The following DDX11 variants were observed in gnomAD, a reference collection of about 807,000 sequenced individuals.
DDX11 encodes the protein ATP-dependent DNA helicase DDX11.
DDX11 carries 72 observed loss-of-function variants against 125.2 expected under a neutral mutation model. That is an observed-to-expected ratio of 0.58 (90% CI 0.48 to 0.70). The LOEUF is 0.70. DDX11 is among the 30% of genes least tolerant of loss of function. The probability of loss-of-function intolerance (pLI) is 0.00; values close to 1 mark genes in which losing one functional copy is unlikely to be tolerated. For synonymous variants in DDX11, 347 were observed against 452.6 expected (o/e 0.77, Z 2.96); for missense variants, 883 against 1,165.0 (o/e 0.76, Z 3.52).
chr12:31,076,949 T>G (rs540448789), intron 1 of DDX11: 1 of 153,758 alleles, frequency 6.5e-6, no homozygotes, highest in East Asian at 1.9e-4. Context: ...TCTCTTCTTG[T>G]GCAAATCCAT....
In DDX11 at chr12:31,090,077, G is replaced by C; in HGVS notation, c.1072G>C (p.Ala358Pro). 6.5e-7 allele frequency: 1 copy of C among 1,549,632 alleles called. No homozygotes were observed. Among genetic ancestry groups the C allele is most frequent in the Non-Finnish European group, 8.7e-7 (1 of 1,146,672 alleles). The change falls in exon 9 of 27, where the codon GCC (alanine) becomes CCC (proline). Residue 358 changes from alanine (A) to proline (P), a missense_variant. Coordinates refer to ENST00000542838, the MANE Select transcript of DDX11 (RefSeq NM_030653.4). The part of the protein sequence containing the change: ...RACPYYGSRL[A>P]IPAAQLVVLP... ...CTGTCCCTATTACGGGAGCCGCCTT[G>C]CCATCCCTGCAGCCCAGGTGAGGGC... is the stretch of plus-strand genomic sequence containing the variant.
chr12:31,102,701 A>G, intron 23 of DDX11, 174 bp downstream of exon 23: 2 of 713,606 alleles, frequency 2.8e-6, no homozygotes, highest in Non-Finnish European at 5.0e-6. Flanking sequence ...GTCCTGGGAG[A>G]GCAGTTGGAT....
intron 19 of DDX11, 126 bp from the exon 20 acceptor site, chr12:31,100,898 ATGG>A (rs1327631589): frequency 9.0e-7 from 1 of 1,110,186 alleles, no homozygotes; most frequent in African/African-American, 1.5e-5. Context: ...GTGACTGGTG[ATGG>A]TGGGCGGGTG....
rs1164095548 is a variant in DDX11, at chr12:31,101,979, G to A, written c.2199G>A (p.Lys733=). The change falls in exon 21 of 27, where the codon AAG becomes AAA. Residue 733 remains lysine, a synonymous_variant. Transcript: ENST00000542838. ...TGCTGGGCCGTCTGGCTGCCAGGAAGAAGGTGAGTGGCCTGTCGGCAGCCT... is the reference window on the plus strand; with the variant it reads ...TGCTGGGCCGTCTGGCTGCCAGGAAAAAGGTGAGTGGCCTGTCGGCAGCCT... ...GGLLGRLAAR[K]KIFQEPKSAH... The A allele has an allele frequency of 2.2e-5, 36 of 1,611,748 alleles. No individual in the cohort carries two copies. The highest frequency in any genetic ancestry group is 4.0e-5 in the African/African-American group (3 of 74,872).
rs61918661 is a variant in DDX11, at chr12:31,098,287, T to C, written c.1875+290T>C. On this transcript the variant is annotated intron_variant, in intron 18 of 26. Transcript: ENST00000542838. ...TCAAACTCAAGGAAAAAAATCATGA[T>C]TCCACTTTTAAAAGGTTCATTTTGA... is the stretch of plus-strand genomic sequence containing the variant. Among the ~76,000 whole-genome samples, 960 of 152,342 alleles carry C rather than the reference T, an allele frequency of 6.3e-3. 5 individuals are homozygous for C. Among genetic ancestry groups the C allele is most frequent in the Non-Finnish European group, 0.011 (732 of 68,018 alleles).
In DDX11 at chr12:31,104,274, A is replaced by G. The variant is rs1323812645; in HGVS notation, c.*438A>G. On this transcript the variant is annotated 3_prime_UTR_variant, in exon 27 of 27. Coordinates refer to ENST00000542838, the MANE Select transcript of DDX11 (RefSeq NM_030653.4). ...AGGTTATAGCTGCCCTGGACTGCTC[A>G]CTCTCTGGTCTCAATTTAAAATGAT... is the stretch of plus-strand genomic sequence containing the variant. The G allele has an allele frequency of 1.6e-6, 1 of 607,624 alleles. No homozygotes were observed. Among genetic ancestry groups the G allele is most frequent in the Non-Finnish European group, 2.7e-6 (1 of 369,788 alleles). The allele number at this position is 607,624 out of a possible 1,614,324, so 37.6% of individuals were successfully genotyped here. A position where few individuals can be genotyped will look rare whatever the true frequency, so the allele number is the denominator to read the frequency against.
intron 5 of DDX11, among the ~76,000 whole-genome samples, chr12:31,086,533 G>T (rs138158482): frequency 0.019 from 2,950 of 152,126 alleles, 99 homozygotes; most frequent in African/African-American, 0.067. Context: ...GTGAGAGGGG[G>T]TCATAAACAG....
At chr12:31,100,837 G>A (rs1057377889) in intron 19 of DDX11, 130 bp downstream of exon 19, 15 of 1,130,266 alleles carry the variant, frequency 1.3e-5, no homozygotes, top group Middle Eastern at 2.2e-4. Context: ...CTCACCCTTC[G>A]TGCGCTCGCC....
intron 5 of DDX11, 78 bp from the exon 6 acceptor site, chr12:31,087,860 A>C: frequency 6.5e-7 from 1 of 1,532,802 alleles, no homozygotes; most frequent in Non-Finnish European, 8.8e-7. Context: ...GCTCAGCACC[A>C]GCGCTCAGCA....
Position 31,091,754 on chromosome 12 carries a change from G to C in DDX11, c.1125G>C (p.Ala375=). The C allele has an allele frequency of 3.7e-6, 6 of 1,613,662 alleles. No individual in the cohort carries two copies. Among genetic ancestry groups the C allele is most frequent in the Non-Finnish European group, 5.1e-6 (6 of 1,179,816 alleles). Residue 375 remains alanine (A), a synonymous_variant, in exon 10 of 27, where the codon GCG becomes GCC. Transcript: ENST00000542838. ...VVLPYQMLLH[A]ATRQAAGIRL... is the part of the protein sequence containing the mutation. ...TGCCCTATCAGATGCTGCTGCATGC[G>C]GCCACTCGGCAGGCCGCGGGCATCC...
chr12:31,087,824 G>A, intron 5 of DDX11, 114 bp from the exon 6 acceptor site: 1 of 1,495,380 alleles, frequency 6.7e-7, no homozygotes, highest in Non-Finnish European at 9.1e-7. Flanking sequence ...CTACCTTGGT[G>A]GAACCCATTG....
At chr12:31,098,904 C>T (rs1409310550) in intron 18 of DDX11, among the ~76,000 whole-genome samples, 11 of 152,058 alleles carry the variant, frequency 7.2e-5, no homozygotes, top group Non-Finnish European at 1.6e-4. Context: ...CATGGGTGTC[C>T]TTTCCCCACA....
intron 2 of DDX11, among the ~76,000 whole-genome samples, chr12:31,083,398 A>T (rs1013867287): frequency 1.3e-5 from 2 of 151,972 alleles, no homozygotes; most frequent in African/African-American, 2.4e-5. Context: ...AGCTGCACGA[A>T]GGCCGCGCGG....
rs1267546926 is a variant in DDX11 at position 31,104,695 on chromosome 12, C to T, written c.*859C>T. On this transcript the variant is annotated 3_prime_UTR_variant, in exon 27 of 27. Transcript: ENST00000542838. ...GTGGTCAGCTGGGATCTTCTGCCAC[C>T]ATCAGGGACAAACGGGGGCAGGAGG... The T allele has an allele frequency of 1.3e-5, 2 of 153,906 alleles. No individual in the cohort carries two copies. The highest frequency in any genetic ancestry group is 1.3e-4 in the Admixed American group (2 of 15,570). The allele number at this position is 153,906 out of a possible 1,614,324, so 9.5% of individuals were successfully genotyped here. A position where few individuals can be genotyped will look rare whatever the true frequency, so the allele number is the denominator to read the frequency against.
intron 20 of DDX11, chr12:31,101,334 A>G: frequency 1.6e-6 from 1 of 611,936 alleles, no homozygotes; most frequent in Non-Finnish European, 2.9e-6. Context: ...CTCACGCCTT[A>G]GGCTGCGAAA....
At chr12:31,094,920 C>G in intron 14 of DDX11, 98 bp downstream of exon 14, 1 of 1,332,490 alleles carries the variant, frequency 7.5e-7, no homozygotes, top group Non-Finnish European at 1.1e-6. Flanking sequence ...GAAGAAAAAG[C>G]AAAACAGATG....
chr12:31,104,101 C>A lies in DDX11; in HGVS notation c.*265C>A. 6.6e-7 allele frequency: 1 copy of A among 1,506,800 alleles called. No homozygotes were observed. Among genetic ancestry groups the A allele is most frequent in the Non-Finnish European group, 8.9e-7 (1 of 1,126,562 alleles). 93.3% of individuals were successfully genotyped at this position (1,506,800 alleles called of 1,614,324 possible). ...CCCTCCTGGAATAGAATCTTTCTTT[C>A]CATCCTGCATGGCTGAGAGCCAGGC... On this transcript the variant is annotated 3_prime_UTR_variant, in exon 27 of 27. Coordinates refer to ENST00000542838, the MANE Select transcript of DDX11 (RefSeq NM_030653.4).
At position 31,078,867 on chromosome 12, in the gene DDX11, T is replaced by C. The variant is rs544497950; in HGVS notation, c.144+330T>C. ...CACGCCCGGCTAATTTTTTGTAGTT[T>C]TAATAGAGACAGGGTTTCACCGTGT... is the stretch of plus-strand genomic sequence containing the variant. On this transcript the variant is annotated intron_variant, in intron 2 of 26. Coordinates refer to ENST00000542838, the MANE Select transcript of DDX11 (RefSeq NM_030653.4). Among the ~76,000 whole-genome samples, 128 of 152,246 alleles carry C rather than the reference T, an allele frequency of 8.4e-4. 1 individual carries two copies. The highest frequency in any genetic ancestry group is 5.7e-4 in the Non-Finnish European group (39 of 68,038).
intron 8 of DDX11, 107 bp from the exon 9 acceptor site, chr12:31,089,779 G>T (rs1943865173): frequency 1.9e-6 from 3 of 1,545,170 alleles, no homozygotes; most frequent in African/African-American, 1.4e-5. Flanking sequence ...GGGTCTTATA[G>T]ACCCTACCCC....
Sources: allele counts gnomAD v4.1 joint callset (sites outside exome capture counted in the v4.1 genomes callset), GRCh38; gene constraint gnomAD v4.1.1; transcripts MANE v1.5; gene names NCBI Gene and HGNC (gene_info 2026-07-23, HGNC 2026-07-21).